Variants in LAMA2 observed in about 807,000 individuals in gnomAD.
LAMA2 encodes the protein laminin subunit alpha-2.
In LAMA2, 269 loss-of-function variants were observed where a neutral mutation model predicts 364.8. The ratio of observed to expected loss-of-function variants is 0.74; its 90% confidence interval spans 0.67 to 0.82. The LOEUF (loss-of-function observed/expected upper bound fraction) is 0.82, where lower values mean the gene tolerates loss of function less well. LAMA2 is among the 40% of genes least tolerant of loss of function. The pLI, the probability that LAMA2 is intolerant of heterozygous loss-of-function variation, is 0.00. For synonymous variants in LAMA2, 1,379 were observed against 1,370.6 expected (o/e 1.01, Z -0.14); for missense variants, 3,807 against 3,873.2 (o/e 0.98, Z 0.45).
At chr6:129,007,964 C>T (rs187482465) in intron 1 of LAMA2, among the ~76,000 whole-genome samples, 1 of 152,296 alleles carries the variant, frequency 6.6e-6, no homozygotes, top group Admixed American at 6.5e-5. Flanking sequence ...GACACTGACA[C>T]AAATTGTCAG....
At chr6:129,205,917 G>T (rs973990400) in intron 12 of LAMA2, among the ~76,000 whole-genome samples, 3 of 151,802 alleles carry the variant, frequency 2.0e-5, no homozygotes, top group African/African-American at 2.4e-5. Context: ...CCACTACCAG[G>T]GAGGCTGAGG....
intron 34 of LAMA2, among the ~76,000 whole-genome samples, chr6:129,374,877 G>T (rs1778285727): frequency 6.6e-6 from 1 of 151,438 alleles, no homozygotes; most frequent in Non-Finnish European, 1.5e-5. Context: ...GAGCCACCAT[G>T]CCCAGCACTA....
chr6:129,460,443 T>C (rs897994454), intron 49 of LAMA2, 119 bp downstream of exon 49: 15 of 1,060,856 alleles, frequency 1.4e-5, no homozygotes, highest in South Asian at 1.3e-5. Flanking sequence ...AGGATTATAC[T>C]CAGAGGTGGA....
intron 9 of LAMA2, among the ~76,000 whole-genome samples, chr6:129,172,958 T>C (rs1336186293): frequency 6.6e-6 from 1 of 152,200 alleles, no homozygotes; most frequent in African/African-American, 2.4e-5. Flanking sequence ...GTCACCCCTT[T>C]CTGTGACTCG....
intron 1 of LAMA2, among the ~76,000 whole-genome samples, chr6:128,981,909 G>A (rs1287434143): frequency 5.3e-5 from 8 of 152,098 alleles, no homozygotes; most frequent in Non-Finnish European, 1.2e-4. Flanking sequence ...AGGCCTTTGG[G>A]AAGCCGTTCT....
At chr6:129,365,188 A>C (rs1052513602) in intron 32 of LAMA2, among the ~76,000 whole-genome samples, 2 of 152,154 alleles carry the variant, frequency 1.3e-5, no homozygotes, top group Admixed American at 6.5e-5. Context: ...TTTAGCAATT[A>C]TTTATCTATA....
chr6:128,930,122 C>G (rs752668809), intron 1 of LAMA2: 8 of 270,690 alleles, frequency 3.0e-5, no homozygotes, highest in Non-Finnish European at 4.8e-5. Flanking sequence ...GCGCCGCGCC[C>G]GGCAGCTACA....
Position 129,330,603 on chromosome 6 carries a change from T to TG in LAMA2, c.4311+2191_4311+2192insG, listed in dbSNP as rs1343371457. Among the ~76,000 whole-genome samples, 34 of 148,888 alleles carry TG rather than the reference T, an allele frequency of 2.3e-4. 1 individual carries two copies. Among genetic ancestry groups the TG allele is most frequent in the African/African-American group, 6.6e-4 (27 of 40,692 alleles). ...TTTGTTGTTGTTTGGTTTTTGTTTT[T>TG]TTTTTTTTTTTTCCCACTGTGTCGT... On this transcript the variant is annotated intron_variant, in intron 29 of 64. Coordinates refer to ENST00000421865, the MANE Select transcript of LAMA2 (RefSeq NM_000426.4).
chr6:128,961,057 A>C (rs527569245), intron 1 of LAMA2, among the ~76,000 whole-genome samples: 2 of 149,894 alleles, frequency 1.3e-5, no homozygotes, highest in African/African-American at 4.9e-5. Flanking sequence ...TCATTGGAAG[A>C]CTCCCAAATA....
intron 1 of LAMA2, among the ~76,000 whole-genome samples, chr6:128,987,251 T>C (rs565494261): frequency 6.6e-6 from 1 of 151,208 alleles, no homozygotes; most frequent in Non-Finnish European, 1.5e-5. Flanking sequence ...GTGAGTCTTC[T>C]GCTTCAGCCT....
At position 129,102,610 on chromosome 6, in the gene LAMA2, T is replaced by C. The variant is rs147221975; in HGVS notation, c.639+4195T>C. Among the ~76,000 whole-genome samples the C allele has an allele frequency of 5.9e-5, 9 of 152,322 alleles. No individual in the cohort carries two copies. The East Asian group carries it at 1.7e-3, about 29-fold the overall frequency. ...GTTTTTGTCTGATAATTCTAATATATGGCCTTTTTGGATATATTTTATTTT... is the reference window on the plus strand; with the variant it reads ...GTTTTTGTCTGATAATTCTAATATACGGCCTTTTTGGATATATTTTATTTT... On this transcript the variant is annotated intron_variant, in intron 4 of 64. Transcript: ENST00000421865.
At chr6:129,084,290 T>G (rs1284123175) in intron 3 of LAMA2, among the ~76,000 whole-genome samples, 1 of 152,180 alleles carries the variant, frequency 6.6e-6, no homozygotes, top group Non-Finnish European at 1.5e-5. Flanking sequence ...TTCAACCTCC[T>G]AAAAAGATTA....
intron 1 of LAMA2, among the ~76,000 whole-genome samples, chr6:128,956,723 C>T (rs1413870673): frequency 6.6e-6 from 1 of 152,020 alleles, no homozygotes; most frequent in African/African-American, 2.4e-5. Flanking sequence ...TAATCATTAT[C>T]ATCTACTGCT....
rs941447650 is a variant in LAMA2, at chr6:129,165,452, T to C, written c.1207-124T>C. 3.8e-5 allele frequency: 24 copies of C among 631,882 alleles called. No homozygotes were observed. The Admixed American group carries it at 4.2e-4, about 11-fold the overall frequency. 39.1% of individuals were successfully genotyped at this position (631,882 alleles called of 1,614,324 possible). The stretch of plus-strand genomic sequence containing the variant: ...AAACATGTATTAAAGGTAATTCTTA[T>C]AGTTTTCTCAATAATTTGCTGCTCT... On this transcript the variant is annotated intron_variant, in intron 8 of 64. Transcript: ENST00000421865.
chr6:129,507,530 G>C lies in LAMA2; in HGVS notation c.8745G>C (p.Met2915Ile), dbSNP rs1325113810. 2.7e-5 allele frequency: 43 copies of C among 1,614,138 alleles called. No homozygotes were observed. Among genetic ancestry groups the C allele is most frequent in the Non-Finnish European group, 3.6e-5 (43 of 1,179,980 alleles). ...SIDGCVRNLHMAEAPADLEQP... is the reference protein window; with the variant it reads ...SIDGCVRNLHIAEAPADLEQP... ...ATGGCTGCGTCAGGAATCTCCACAT[G>C]GCAGAGGCCCCTGCCGATCTGGAAC... Residue 2915 changes from methionine (M) to isoleucine (I), a missense_variant, in exon 62 of 65, where the codon ATG (methionine) becomes ATC (isoleucine). By Grantham distance (10) the Met-to-Ile change is conservative. This residue lies in a region of LAMA2 where 3,333 missense variants were observed against 3,345.7 expected (regional missense o/e 1.00). Transcript: ENST00000421865.
intron 63 of LAMA2, 142 bp downstream of exon 63, chr6:129,512,635 C>A: frequency 1.1e-6 from 1 of 943,892 alleles, no homozygotes. Context: ...TGTTTTCATC[C>A]TTCTGGATTA....
Position 129,247,215 on chromosome 6 carries a change from G to A in LAMA2, c.1783-2897G>A, listed in dbSNP as rs181698240. 8.1e-4 allele frequency among the ~76,000 whole-genome samples: 124 copies of A among 152,212 alleles called. 1 individual carries two copies. In the South Asian group the frequency reaches 0.023, roughly 29 times the overall value. ...CTGTAATCCCAGCACTTTGGGAGAC[G>A]GAGGTGAGTAGATTGCTTGAGGTTA... On this transcript the variant is annotated intron_variant, in intron 12 of 64. Transcript: ENST00000421865.
In LAMA2 at chr6:129,460,267, C is replaced by T. The variant is rs1440175264; in HGVS notation, c.6935C>T (p.Pro2312Leu). The change falls in exon 49 of 65, where the codon CCT becomes CTT. Residue 2312 changes from proline to leucine, a missense_variant. Transcript: ENST00000421865. The part of the protein sequence containing the change: ...CMGETYFDNK[P>L]IGLWNFREKE... ...GGAGAAACATACTTTGACAACAAAC[C>T]TATAGGTTTGTGGAATTTCCGAGAA... 6.2e-7 allele frequency: 1 copy of T among 1,612,070 alleles called. No individual in the cohort carries two copies. The highest frequency in any genetic ancestry group is 8.5e-7 in the Non-Finnish European group (1 of 1,178,678).
chr6:129,357,982 C>A (rs778471241), intron 32 of LAMA2, among the ~76,000 whole-genome samples: 6 of 151,902 alleles, frequency 3.9e-5, no homozygotes, highest in African/African-American at 1.4e-4. Flanking sequence ...TGTTGTACCC[C>A]CTAAATGTCA....
Sources: gnomAD v4.1 joint callset for allele counts (sites outside exome capture counted in the v4.1 genomes callset) on GRCh38, gnomAD v4.1.1 for gene constraint, gnomAD v4.1.1 regional missense constraint, MANE v1.5 for transcripts, NCBI Gene and HGNC (gene_info 2026-07-23, HGNC 2026-07-21) for gene names.